LARS1: variants seen among roughly 807,000 people sequenced by gnomAD.
The protein encoded by LARS1 is leucine--tRNA ligase, cytoplasmic.
LARS1 carries 100 observed loss-of-function variants against 162.8 expected under a neutral mutation model. The observed-to-expected ratio is 0.61, with a 90% CI of 0.52 to 0.73. LARS1 has a LOEUF of 0.73. Ranked by LOEUF, LARS1 falls within the 30% of genes least tolerant of loss-of-function variation. The probability of loss-of-function intolerance (pLI) is 0.00; values close to 1 mark genes in which losing one functional copy is unlikely to be tolerated. For synonymous variants in LARS1, 457 were observed against 462.8 expected, an observed-to-expected ratio of 0.99 and a Z score of 0.16; for missense variants, 1,258 against 1,408.9, an observed-to-expected ratio of 0.89 and a Z score of 1.71.
chr5:146,129,556 T>C (rs1386772137), intron 25 of LARS1, among the ~76,000 whole-genome samples: 7 of 152,214 alleles, frequency 4.6e-5, no homozygotes, highest in African/African-American at 1.4e-4. Context: ...GCCTAGCTAA[T>C]ATGGCTGGAA....
chr5:146,124,125 A>G (rs767966544), intron 28 of LARS1, 39 bp from the exon 29 acceptor site: 4 of 1,188,874 alleles, frequency 3.4e-6, no homozygotes, highest in Non-Finnish European at 5.0e-6. Flanking sequence ...AAATCACAGT[A>G]AGAATATGTT....
At chr5:146,147,890 T>C (rs1434137995) in intron 15 of LARS1, among the ~76,000 whole-genome samples, 1 of 152,032 alleles carries the variant, frequency 6.6e-6, no homozygotes. Flanking sequence ...TTCAGGATAC[T>C]GGGAGAAAAA....
intron 31 of LARS1, 141 bp downstream of exon 31, chr5:146,120,230 C>T (rs1751755630): frequency 1.1e-6 from 1 of 920,008 alleles, no homozygotes; most frequent in African/African-American, 1.7e-5. Flanking sequence ...GAATAGTTTT[C>T]TTGATTCTGA....
chr5:146,153,233 G>A lies in LARS1; in HGVS notation c.1231-6C>T. ...CCATATTTTGCTCGTAAGGCCTACA[G>A]AAAAATTTGCAAGTTAACACTAATG... On this transcript the variant is annotated splice_region_variant and splice_polypyrimidine_tract_variant and intron_variant, in intron 12 of 31. Transcript: ENST00000394434. The A allele has an allele frequency of 6.2e-7, 1 of 1,610,580 alleles. No homozygotes were observed. Among genetic ancestry groups the A allele is most frequent in the Non-Finnish European group, 8.5e-7 (1 of 1,177,512 alleles).
intron 6 of LARS1, 124 bp downstream of exon 6, chr5:146,164,186 C>G (rs1052250025): frequency 2.2e-6 from 2 of 927,202 alleles, no homozygotes; most frequent in Non-Finnish European, 1.7e-6. Flanking sequence ...ACTTGCTCAA[C>G]GCAGGGTTGC....
At chr5:146,169,499 G>A (rs1236443023) in intron 4 of LARS1, among the ~76,000 whole-genome samples, 1 of 151,930 alleles carries the variant, frequency 6.6e-6, no homozygotes, top group African/African-American at 2.4e-5. Context: ...TTGAGTAACA[G>A]GACATTCAGA....
At chr5:146,122,355 G>C (rs565473655) in intron 30 of LARS1, 137 bp downstream of exon 30, 102 of 523,786 alleles carry the variant, frequency 1.9e-4, no homozygotes, top group Non-Finnish European at 2.7e-4. Flanking sequence ...CACTCTATGG[G>C]GTCTACAACA....
chr5:146,137,188 G>A (rs1361010425), intron 21 of LARS1, among the ~76,000 whole-genome samples: 15 of 152,170 alleles, frequency 9.9e-5, no homozygotes, highest in South Asian at 2.1e-4. Context: ...GTGAGTCACC[G>A]CGCCCAGTCC....
At chr5:146,172,088 T>C (rs1166756597) in intron 3 of LARS1, 98 bp from the exon 4 acceptor site, 1 of 1,060,770 alleles carries the variant, frequency 9.4e-7, no homozygotes, top group African/African-American at 1.6e-5. Context: ...CTTCTTTACA[T>C]CCTCCTTTGG....
intron 12 of LARS1, 100 bp downstream of exon 12, chr5:146,153,633 TA>T (rs2126521437): frequency 1.2e-6 from 1 of 834,496 alleles, no homozygotes; most frequent in Non-Finnish European, 2.0e-6. Context: ...AGTTTAAAGA[TA>T]AATGCATAGC....
intron 15 of LARS1, among the ~76,000 whole-genome samples, chr5:146,148,656 A>G (rs1753125420): frequency 1.3e-5 from 2 of 152,172 alleles, no homozygotes; most frequent in African/African-American, 2.4e-5. Context: ...GAGAAAACAA[A>G]AAGTAGGGGA....
At position 146,153,312 on chromosome 5, in the gene LARS1, A is replaced by G. The variant is rs1422790329; in HGVS notation, c.1231-85T>C. On this transcript the variant is annotated intron_variant, in intron 12 of 31. Transcript: ENST00000394434. ...GAGAAGCAATCTCCAAAGTTTCTTA[A>G]AAGTTTCTTTAAAGTTTCTATTTGT... is the stretch of plus-strand genomic sequence containing the variant. 8 of 1,024,050 alleles carry G rather than the reference A, an allele frequency of 7.8e-6. No homozygotes were observed. The Admixed American group carries it at 1.3e-4, about 17-fold the overall frequency. 63.4% of individuals were successfully genotyped at this position (1,024,050 alleles called of 1,614,324 possible). A position where few individuals can be genotyped will look rare whatever the true frequency, so the allele number is the denominator to read the frequency against.
rs1487925977 is a variant in LARS1 at position 146,114,211 on chromosome 5, A to C, written c.3426T>G (p.Ser1142=). The part of the protein sequence containing the change: ...GKEYTEKTPI[S]EHAVFNVDLM... ...GGTCCACATTGAAAACAGCATGCTC[A>C]GAAATGGGGGTCTTCTCGGTGTACT... The change falls in exon 32 of 32, where the codon TCT becomes TCG. Residue 1142 remains serine (S), a synonymous_variant. Transcript: ENST00000394434. 1 of 1,613,740 alleles carries C rather than the reference A, an allele frequency of 6.2e-7. No homozygotes were observed. The highest frequency in any genetic ancestry group is 2.2e-5 in the East Asian group (1 of 44,856).
In LARS1 at chr5:146,142,898, A is replaced by G; in HGVS notation, c.2064T>C (p.Asn688=). Residue 688 remains asparagine, a synonymous_variant, in exon 20 of 32, where the codon AAT becomes AAC. Coordinates refer to ENST00000394434, the MANE Select transcript of LARS1 (RefSeq NM_020117.11). The part of the protein sequence containing the change: ...VPNHLSYYLY[N]HVAMWPEQSD... The stretch of plus-strand genomic sequence containing the variant: ...TTTGTTCCGGCCACATAGCCACATG[A>G]TTATAAAGGTAATATGAAAGATGAT... 1 of 1,613,912 alleles carries G rather than the reference A, an allele frequency of 6.2e-7. No individual in the cohort carries two copies. The highest frequency in any genetic ancestry group is 8.5e-7 in the Non-Finnish European group (1 of 1,179,880).
At chr5:146,159,541 T>G (rs1753684398) in intron 7 of LARS1, 71 bp from the exon 8 acceptor site, 1 of 1,142,132 alleles carries the variant, frequency 8.8e-7, no homozygotes, top group Middle Eastern at 2.0e-4. Flanking sequence ...TTTGCCTGTG[T>G]TGCACCTAAT....
chr5:146,146,532 C>CAAAAA (rs573828595), intron 15 of LARS1, among the ~76,000 whole-genome samples: 53 of 26,476 alleles, frequency 2.0e-3, no homozygotes, highest in African/African-American at 3.1e-3. Context: ...ATGCCAGAAC[C>CAAAAA]AAAAAAAAAA....
intron 1 of LARS1, among the ~76,000 whole-genome samples, chr5:146,178,307 G>C (rs1319097335): frequency 6.6e-6 from 1 of 151,818 alleles, no homozygotes; most frequent in African/African-American, 2.4e-5. Flanking sequence ...TTAAAGAACT[G>C]TTCATATGAA....
chr5:146,171,848 A>G, intron 4 of LARS1, 62 bp downstream of exon 4: 1 of 1,168,326 alleles, frequency 8.6e-7, no homozygotes, highest in Non-Finnish European at 1.2e-6. Context: ...AAGCTCTTGA[A>G]TTGGGTATTA....
rs1752855642 is a variant in LARS1, at chr5:146,143,004, T to C, written c.1958A>G (p.Glu653Gly). ...APFPKTQIAK[E>G]KLDQLKQEFE... ...CTCCTGCTTTAACTGATCTAATTTT[T>C]CCTTTGCAATCTGAGTCTTAGGAAA... is the stretch of plus-strand genomic sequence containing the variant. The change falls in exon 20 of 32, where the codon GAA (glutamate) becomes GGA (glycine). Residue 653 changes from glutamate to glycine, a missense_variant. Physicochemically the swap from Glu to Gly is moderately conservative, Grantham distance 98 (BLOSUM62 -2). Coordinates refer to ENST00000394434, the MANE Select transcript of LARS1 (RefSeq NM_020117.11). 6.2e-7 allele frequency: 1 copy of C among 1,614,006 alleles called. No homozygotes were observed. Among genetic ancestry groups the C allele is most frequent in the Non-Finnish European group, 8.5e-7 (1 of 1,179,912 alleles).
Sources: gnomAD v4.1 joint callset for allele counts (sites outside exome capture counted in the v4.1 genomes callset) on GRCh38, gnomAD v4.1.1 for gene constraint, MANE v1.5 for transcripts, NCBI Gene and HGNC (gene_info 2026-07-23, HGNC 2026-07-21) for gene names.